Variants in CSMD3 observed in about 807,000 individuals in gnomAD.
The protein encoded by CSMD3 is CUB and sushi domain-containing protein 3.
CSMD3 carries 177 observed loss-of-function variants against 435.2 expected under a neutral mutation model. That is an observed-to-expected ratio of 0.41 (90% CI 0.36 to 0.46). The LOEUF (loss-of-function observed/expected upper bound fraction) is 0.46, where lower values mean the gene tolerates loss of function less well. Ranked by LOEUF, CSMD3 falls within the 20% of genes least tolerant of loss-of-function variation. The pLI is 0.34. For synonymous variants in CSMD3, 1,656 were observed against 1,520.5 expected (o/e 1.09, Z -2.07); for missense variants, 4,265 against 4,504.6 (o/e 0.95, Z 1.52).
intron 1 of CSMD3, among the ~76,000 whole-genome samples, chr8:113,317,501 G>A (rs2093919105): frequency 6.6e-6 from 1 of 152,136 alleles, no homozygotes; most frequent in South Asian, 2.1e-4. Context: ...TTTATTTTTA[G>A]ACAAATTAGG....
intron 24 of CSMD3, among the ~76,000 whole-genome samples, chr8:112,560,381 A>G (rs1828513836): frequency 6.6e-6 from 1 of 151,686 alleles, no homozygotes; most frequent in Non-Finnish European, 1.5e-5. Context: ...TCTTTCTCAC[A>G]GTACCTATCT....
At chr8:113,209,068 ATTGT>A (rs150687219) in intron 3 of CSMD3, among the ~76,000 whole-genome samples, 4,506 of 152,254 alleles carry the variant, frequency 0.03, 85 homozygotes, top group Non-Finnish European at 0.04. Flanking sequence ...GAAAAATAAC[ATTGT>A]TTCTCAGAGT....
At chr8:112,247,344 T>C (rs1314903244) in intron 63 of CSMD3, among the ~76,000 whole-genome samples, 1 of 152,142 alleles carries the variant, frequency 6.6e-6, no homozygotes, top group Non-Finnish European at 1.5e-5. Flanking sequence ...CATCATCAAA[T>C]AGTTGGGTCC....
At chr8:112,805,555 G>A (rs1343195250) in intron 12 of CSMD3, among the ~76,000 whole-genome samples, 1 of 152,100 alleles carries the variant, frequency 6.6e-6, no homozygotes, top group Non-Finnish European at 1.5e-5. Flanking sequence ...AAGGAAAGAA[G>A]GTAAATGTGA....
chr8:112,901,038 G>A (rs1403151014), intron 10 of CSMD3, among the ~76,000 whole-genome samples: 1 of 151,232 alleles, frequency 6.6e-6, no homozygotes, highest in Non-Finnish European at 1.5e-5. Flanking sequence ...CTGGAGAGAG[G>A]TGGCAGAAGT....
intron 1 of CSMD3, among the ~76,000 whole-genome samples, chr8:113,346,859 C>T (rs1309257869): frequency 1.3e-5 from 2 of 151,968 alleles, no homozygotes; most frequent in South Asian, 2.1e-4. Context: ...AGAGAATATA[C>T]AGATTTGGGG....
At chr8:112,759,034 G>A (rs902782674) in intron 13 of CSMD3, among the ~76,000 whole-genome samples, 4 of 152,012 alleles carry the variant, frequency 2.6e-5, no homozygotes, top group African/African-American at 7.2e-5. Flanking sequence ...GCATGTTTTC[G>A]AAGATATATA....
At chr8:112,768,283 A>G (rs2078030515) in intron 13 of CSMD3, among the ~76,000 whole-genome samples, 1 of 151,898 alleles carries the variant, frequency 6.6e-6, no homozygotes, top group African/African-American at 2.4e-5. Context: ...AATGGCACAG[A>G]AAACCTGGGT....
At chr8:113,178,102 T>C (rs192810172) in intron 3 of CSMD3, among the ~76,000 whole-genome samples, 1 of 152,084 alleles carries the variant, frequency 6.6e-6, no homozygotes, top group East Asian at 1.9e-4. Flanking sequence ...TACTACAGCA[T>C]GTCCCTTGCC....
intron 6 of CSMD3, among the ~76,000 whole-genome samples, chr8:113,018,343 C>T (rs1461079912): frequency 6.6e-6 from 1 of 151,558 alleles, no homozygotes; most frequent in African/African-American, 2.4e-5. Context: ...CTGAAGACTA[C>T]TAAAGGGGAA....
intron 13 of CSMD3, among the ~76,000 whole-genome samples, chr8:112,726,503 T>C (rs1264085898): frequency 6.6e-6 from 1 of 151,792 alleles, no homozygotes; most frequent in Non-Finnish European, 1.5e-5. Flanking sequence ...TTGAAGGTGG[T>C]TAGAGAAGGT....
At chr8:113,429,232 A>G (rs1310250276) in intron 1 of CSMD3, among the ~76,000 whole-genome samples, 2 of 139,956 alleles carry the variant, frequency 1.4e-5, no homozygotes, top group Non-Finnish European at 3.1e-5. Context: ...ATTTTGAATA[A>G]TTGTCTTATA....
chr8:113,233,099 A>C (rs1282291675), intron 3 of CSMD3, among the ~76,000 whole-genome samples: 1 of 151,882 alleles, frequency 6.6e-6, no homozygotes, highest in Non-Finnish European at 1.5e-5. Flanking sequence ...TTTGCTATTT[A>C]AAAAATTAGG....
chr8:112,830,643 AT>A (rs1310183518), intron 11 of CSMD3, among the ~76,000 whole-genome samples: 1 of 152,094 alleles, frequency 6.6e-6, no homozygotes. Flanking sequence ...GATAAAATGA[AT>A]GCCTGAAGTT....
At chr8:112,943,746 TC>T (rs2083521738) in intron 9 of CSMD3, among the ~76,000 whole-genome samples, 1 of 151,692 alleles carries the variant, frequency 6.6e-6, no homozygotes, top group African/African-American at 2.4e-5. Context: ...AAGTTCTTTT[TC>T]CCCCTTTGAA....
At chr8:112,628,344 T>C (rs1407249190) in intron 22 of CSMD3, among the ~76,000 whole-genome samples, 1 of 152,094 alleles carries the variant, frequency 6.6e-6, no homozygotes, top group Non-Finnish European at 1.5e-5. Flanking sequence ...TCAATCATAA[T>C]CATAAGCTTC....
chr8:113,192,616 G>C (rs986319247), intron 3 of CSMD3, among the ~76,000 whole-genome samples: 4 of 151,104 alleles, frequency 2.6e-5, no homozygotes, highest in Non-Finnish European at 5.9e-5. Flanking sequence ...CTCCCTTATG[G>C]AAGTTTTCTT....
At chr8:112,339,491 T>C (rs181465112) in intron 42 of CSMD3, among the ~76,000 whole-genome samples, 6 of 152,244 alleles carry the variant, frequency 3.9e-5, no homozygotes, top group African/African-American at 1.2e-4. Flanking sequence ...AGTGTACTTT[T>C]GTTTTCAATA....
At chr8:112,698,240 G>C (rs1432305323) in intron 13 of CSMD3, among the ~76,000 whole-genome samples, 1 of 152,034 alleles carries the variant, frequency 6.6e-6, no homozygotes, top group East Asian at 1.9e-4. Context: ...AAACAGAAAA[G>C]ACTACAAAGA....
Sources: allele counts gnomAD v4.1 joint callset (sites outside exome capture counted in the v4.1 genomes callset), GRCh38; gene constraint gnomAD v4.1.1; transcripts MANE v1.5; gene names NCBI Gene and HGNC (gene_info 2026-07-23, HGNC 2026-07-21).